SLC35A3: variants seen among roughly 807,000 people sequenced by gnomAD.
SLC35A3 encodes UDP-N-acetylglucosamine transporter.
A neutral mutation model predicts 39.0 loss-of-function variants in SLC35A3; 26 were observed. The observed-to-expected ratio is 0.67, with a 90% CI of 0.49 to 0.92. SLC35A3 has a LOEUF of 0.92. Ranked by LOEUF, SLC35A3 falls within the 40% of genes least tolerant of loss-of-function variation. The pLI, the probability that SLC35A3 is intolerant of heterozygous loss-of-function variation, is 0.00. For missense variants in SLC35A3, 299 were observed against 371.6 expected, an observed-to-expected ratio of 0.80 and a Z score of 1.61; for synonymous variants, 135 against 133.1, an observed-to-expected ratio of 1.01 and a Z score of -0.10.
rs116735007 is a variant in SLC35A3 at position 99,989,101 on chromosome 1, T to C, written c.-18-4436T>C. 2.2e-3 allele frequency among the ~76,000 whole-genome samples: 340 copies of C among 152,256 alleles called. 4 individuals carry two copies. Among genetic ancestry groups the C allele is most frequent in the African/African-American group, 8.0e-3 (331 of 41,562 alleles). ...CATTTTACATTTTCACTAGCAATGT[T>C]GAGGGCTGTTTGCTCTAAATCCCCT... is the stretch of plus-strand genomic sequence containing the variant. On this transcript the variant is annotated intron_variant, in intron 1 of 7. Transcript: ENST00000533028.
At chr1:100,003,008 A>G (rs1658924367) in intron 3 of SLC35A3, among the ~76,000 whole-genome samples, 1 of 151,946 alleles carries the variant, frequency 6.6e-6, no homozygotes, top group South Asian at 2.1e-4. Context: ...GTTTATATGA[A>G]TCTTTCTAAT....
chr1:100,035,369 A>G lies in SLC35A3; in HGVS notation c.*12893A>G, dbSNP rs995821503. Reference sequence around the variant, plus strand: ...AACCCAAATCACATACAAAGCGACAAGTTCATACACAATAGGCCTATTAGA... The same window carrying G: ...AACCCAAATCACATACAAAGCGACAGGTTCATACACAATAGGCCTATTAGA... On this transcript the variant is annotated 3_prime_UTR_variant, in exon 8 of 8. Coordinates refer to ENST00000533028, the MANE Select transcript of SLC35A3 (RefSeq NM_012243.3). 2.6e-5 allele frequency: 4 copies of G among 152,258 alleles called. No individual in the cohort carries two copies. Among genetic ancestry groups the G allele is most frequent in the African/African-American group, 9.6e-5 (4 of 41,466 alleles). 9.4% of individuals were successfully genotyped at this position (152,258 alleles called of 1,614,324 possible).
In SLC35A3 at chr1:100,017,745, G is replaced by A; in HGVS notation, c.817G>A (p.Ala273Thr). ...KYADNILKGF[A>T]TSLSIILSTL... is the part of the protein sequence containing the mutation. ...TGCAGATAATATTTTAAAAGGATTT[G>A]CAACCTCTTTATCGATAATATTATC... Residue 273 changes from alanine to threonine, a missense_variant, in exon 7 of 8, where the codon GCA (alanine) becomes ACA (threonine). Ala to Thr is a moderately conservative substitution (Grantham distance 58). Transcript: ENST00000533028. 1 of 1,577,448 alleles carries A rather than the reference G, an allele frequency of 6.3e-7. No individual in the cohort carries two copies. Among genetic ancestry groups the A allele is most frequent in the Non-Finnish European group, 8.6e-7 (1 of 1,161,384 alleles).
In SLC35A3 at chr1:100,015,436, T is replaced by C. The variant is rs1243864663; in HGVS notation, c.753+16T>C. The C allele has an allele frequency of 2.5e-6, 4 of 1,590,940 alleles. No individual in the cohort carries two copies. The highest frequency in any genetic ancestry group is 3.4e-6 in the Non-Finnish European group (4 of 1,172,576). ...TGTTCTTCAGGTAAAGCATTTAAAG[T>C]CTTAGATTTAATGCTAATAAACTGT... On this transcript the variant is annotated intron_variant, in intron 6 of 7. Transcript: ENST00000533028.
At position 100,007,166 on chromosome 1, in the gene SLC35A3, C is replaced by T; in HGVS notation, c.465+10C>T. ...AGTTGCTTTTGTACAGGTAACTATTCAAGATAAGTATATATTTTTATCTTT... is the reference window on the plus strand; with the variant it reads ...AGTTGCTTTTGTACAGGTAACTATTTAAGATAAGTATATATTTTTATCTTT... On this transcript the variant is annotated intron_variant, in intron 4 of 7. Transcript: ENST00000533028. The T allele has an allele frequency of 6.3e-7, 1 of 1,591,532 alleles. No individual in the cohort carries two copies. Among genetic ancestry groups the T allele is most frequent in the Non-Finnish European group, 8.6e-7 (1 of 1,168,324 alleles).
intron 5 of SLC35A3, among the ~76,000 whole-genome samples, chr1:100,015,084 G>C (rs957087035): frequency 9.3e-5 from 14 of 151,074 alleles, no homozygotes; most frequent in Non-Finnish European, 1.8e-4. Flanking sequence ...CTTGAACCTG[G>C]GAGGTGGAGG....
intron 1 of SLC35A3, among the ~76,000 whole-genome samples, chr1:99,978,672 GT>G (rs1255807721): frequency 6.6e-6 from 1 of 152,220 alleles, no homozygotes; most frequent in Non-Finnish European, 1.5e-5. Flanking sequence ...TAAACATTTA[GT>G]TTTGTGAGCA....
rs1660018659 is a variant in SLC35A3, at chr1:100,015,284, GACTTT to G, written c.635-12_635-8del. ...GACAAACTAAACGATATATCATGTA[GACTTT>G]ACTTTTTTTTAGGTTTCTTTGGAAG... is the stretch of plus-strand genomic sequence containing the variant. On this transcript the variant is annotated splice_polypyrimidine_tract_variant and intron_variant, in intron 5 of 7. Transcript: ENST00000533028. 1 of 1,585,322 alleles carries G rather than the reference GACTTT, an allele frequency of 6.3e-7. No individual in the cohort carries two copies. Among genetic ancestry groups the G allele is most frequent in the Non-Finnish European group, 8.6e-7 (1 of 1,167,076 alleles).
chr1:99,993,793 T>C, intron 2 of SLC35A3, 52 bp downstream of exon 2: 1 of 1,482,114 alleles, frequency 6.7e-7, no homozygotes, highest in Non-Finnish European at 9.4e-7. Flanking sequence ...TTAGTTTGCA[T>C]ATATATATTG....
chr1:100,015,809 A>G (rs536106426), intron 6 of SLC35A3: 1 of 184,304 alleles, frequency 5.4e-6, no homozygotes, highest in African/African-American at 2.3e-5. Flanking sequence ...CTCATATTGT[A>G]GTTACATATT....
At position 100,031,207 on chromosome 1, in the gene SLC35A3, G is replaced by A. The variant is rs182180252; in HGVS notation, c.*8731G>A. On this transcript the variant is annotated 3_prime_UTR_variant, in exon 8 of 8. Coordinates refer to ENST00000533028, the MANE Select transcript of SLC35A3 (RefSeq NM_012243.3). The stretch of plus-strand genomic sequence containing the variant: ...GCTACCTCCATGAACTCACACATGC[G>A]GCATTGTTAAAGAACCTTTTTTAAA... 4.6e-5 allele frequency: 7 copies of A among 152,098 alleles called. No homozygotes were observed. The East Asian group carries it at 1.2e-3, about 25-fold the overall frequency. 9.4% of individuals were successfully genotyped at this position (152,098 alleles called of 1,614,324 possible). A position where few individuals can be genotyped will look rare whatever the true frequency, so the allele number is the denominator to read the frequency against.
At position 100,031,485 on chromosome 1, in the gene SLC35A3, A is replaced by G. The variant is rs934918871; in HGVS notation, c.*9009A>G. On this transcript the variant is annotated 3_prime_UTR_variant, in exon 8 of 8. Transcript: ENST00000533028. ...TCATCTAAGTTCAAATTCAAATACA[A>G]TTGCCCCTCTGTAAACGTGGGGGAT... 3.9e-5 allele frequency: 6 copies of G among 152,116 alleles called. No individual in the cohort carries two copies. The highest frequency in any genetic ancestry group is 1.9e-4 in the East Asian group (1 of 5,192). 9.4% of individuals were successfully genotyped at this position (152,116 alleles called of 1,614,324 possible).
intron 7 of SLC35A3, among the ~76,000 whole-genome samples, chr1:100,020,271 TG>T (rs1660445805): frequency 6.6e-6 from 1 of 152,254 alleles, no homozygotes; most frequent in African/African-American, 2.4e-5. Context: ...AGGTGTTTCC[TG>T]ACATGATTAG....
chr1:100,001,756 T>C (rs78514868), intron 3 of SLC35A3, among the ~76,000 whole-genome samples: 2,045 of 152,294 alleles, frequency 0.013, 18 homozygotes, highest in Middle Eastern at 0.058. Context: ...TTCAGTATGA[T>C]ATTAGTTGTG....
In SLC35A3 at chr1:100,028,434, C is replaced by CA. The variant is rs1380103913; in HGVS notation, c.*5958_*5959insA. ...GATAGAGCAAGCTCAAGTGATCCTCCCAGGAGCCTCGGCCCCCAAGCAGCT... is the reference window on the plus strand; with the variant it reads ...GATAGAGCAAGCTCAAGTGATCCTCCACAGGAGCCTCGGCCCCCAAGCAGCT... On this transcript the variant is annotated 3_prime_UTR_variant, in exon 8 of 8. Coordinates refer to ENST00000533028, the MANE Select transcript of SLC35A3 (RefSeq NM_012243.3). The CA allele has an allele frequency of 1.3e-5, 2 of 152,306 alleles. No homozygotes were observed. The highest frequency in any genetic ancestry group is 4.8e-5 in the African/African-American group (2 of 41,428). 9.4% of individuals were successfully genotyped at this position (152,306 alleles called of 1,614,324 possible). A position where few individuals can be genotyped will look rare whatever the true frequency, so the allele number is the denominator to read the frequency against.
At chr1:99,984,606 G>T (rs534678466) in intron 1 of SLC35A3, among the ~76,000 whole-genome samples, 196 of 152,318 alleles carry the variant, frequency 1.3e-3, no homozygotes, top group African/African-American at 4.4e-3. Flanking sequence ...CCTAGTAGCA[G>T]GATTGCTGGA....
Position 100,035,073 on chromosome 1 carries a change from A to G in SLC35A3, c.*12597A>G, listed in dbSNP as rs957702763. 2 of 152,162 alleles carry G rather than the reference A, an allele frequency of 1.3e-5. No homozygotes were observed. Among genetic ancestry groups the G allele is most frequent in the African/African-American group, 2.4e-5 (1 of 41,434 alleles). The allele number at this position is 152,162 out of a possible 1,614,324, so 9.4% of individuals were successfully genotyped here. ...AGTTTGTGAATACGGTCATCCCTCC[A>G]TATGAGGAGGGGAGTGGGAATTGGT... On this transcript the variant is annotated 3_prime_UTR_variant, in exon 8 of 8. Transcript: ENST00000533028.
intron 1 of SLC35A3, among the ~76,000 whole-genome samples, chr1:99,983,398 G>T (rs188567925): frequency 1.1e-3 from 166 of 151,772 alleles, no homozygotes; most frequent in African/African-American, 3.8e-3. Flanking sequence ...AATTAGCCGG[G>T]CGTGGTGGCG....
chr1:100,006,442 C>G (rs934748341), intron 3 of SLC35A3, among the ~76,000 whole-genome samples: 12 of 152,090 alleles, frequency 7.9e-5, no homozygotes, highest in Admixed American at 2.0e-4. Context: ...CTTGGTTCCC[C>G]AAGCAGTGTA....
Sources: allele counts gnomAD v4.1 joint callset (sites outside exome capture counted in the v4.1 genomes callset), GRCh38; gene constraint gnomAD v4.1.1; transcripts MANE v1.5; gene names NCBI Gene and HGNC (gene_info 2026-07-23, HGNC 2026-07-21).